The following PREX1 variants were observed in gnomAD, a reference collection of about 807,000 sequenced individuals.
PREX1 encodes phosphatidylinositol 3,4,5-trisphosphate-dependent Rac exchanger 1 protein.
A neutral mutation model predicts 198.3 loss-of-function variants in PREX1; 41 were observed. The observed-to-expected ratio is 0.21, with a 90% CI of 0.16 to 0.27. PREX1 has a LOEUF of 0.27. Ranked by LOEUF, PREX1 falls within the 10% of genes least tolerant of loss-of-function variation. The pLI is 1.00. For missense variants in PREX1, 1,620 were observed against 2,200.7 expected (o/e 0.74, Z 5.28); for synonymous variants, 843 against 887.2 (o/e 0.95, Z 0.89).
the PREX1 span, among the ~76,000 whole-genome samples, chr20:48,861,532 G>A: frequency 6.6e-6 from 1 of 152,180 alleles, no homozygotes; most frequent in African/African-American, 2.4e-5. Flanking sequence ...CCTGCCACAG[G>A]CACAAAACTT....
chr20:48,726,958 G>A (rs901247010), intron 4 of PREX1, among the ~76,000 whole-genome samples: 7 of 152,204 alleles, frequency 4.6e-5, no homozygotes, highest in Admixed American at 1.3e-4. Context: ...GTAGCAACAC[G>A]GGCGAACCCC....
At position 48,708,379 on chromosome 20, in the gene PREX1, C is replaced by T. The variant is rs920268436; in HGVS notation, c.664G>A (p.Ala222Thr). 4 of 1,614,074 alleles carry T rather than the reference C, an allele frequency of 2.5e-6. No individual in the cohort carries two copies. Among genetic ancestry groups the T allele is most frequent in the African/African-American group, 1.3e-5 (1 of 74,980 alleles). ...ATGGCCTGCAGGGCACTCTGGACCGCGGGGTGGTCTGGGTGCTTGCCGGGA... is the reference window on the plus strand; with the variant it reads ...ATGGCCTGCAGGGCACTCTGGACCGTGGGGTGGTCTGGGTGCTTGCCGGGA... Reference protein sequence around the residue: ...RTPGKHPDHPAVQSALQAMKT... With the variant: ...RTPGKHPDHPTVQSALQAMKT... Residue 222 changes from alanine (A) to threonine (T), a missense_variant, in exon 6 of 40, where the codon GCG (alanine) becomes ACG (threonine). Transcript: ENST00000371941.
chr20:48,759,754 C>G (rs1436122154), intron 1 of PREX1, among the ~76,000 whole-genome samples: 2 of 152,022 alleles, frequency 1.3e-5, no homozygotes, highest in African/African-American at 4.8e-5. Context: ...AGCTAACACA[C>G]ATAACAAGCA....
intron 38 of PREX1, 78 bp from the exon 39 acceptor site, chr20:48,627,693 G>T: frequency 6.7e-7 from 1 of 1,494,532 alleles, no homozygotes; most frequent in East Asian, 2.3e-5. Flanking sequence ...GTGGGGGTGG[G>T]GCCCAGAAGC....
At chr20:48,780,979 C>T (rs1415280277) in intron 1 of PREX1, among the ~76,000 whole-genome samples, 1 of 152,166 alleles carries the variant, frequency 6.6e-6, no homozygotes, top group Admixed American at 6.5e-5. Context: ...CACATCGCTC[C>T]TGGGGTATCC....
At chr20:48,635,974 G>A (rs1283857859) in intron 32 of PREX1, among the ~76,000 whole-genome samples, 6 of 152,184 alleles carry the variant, frequency 3.9e-5, no homozygotes, top group African/African-American at 1.4e-4. Context: ...GCCAGCAGAG[G>A]GCGCTCCAAG....
chr20:48,760,591 T>C (rs1010849527), intron 1 of PREX1, among the ~76,000 whole-genome samples: 2 of 152,050 alleles, frequency 1.3e-5, no homozygotes, highest in Non-Finnish European at 2.9e-5. Flanking sequence ...GGTGAACACT[T>C]TGTAACTACA....
At chr20:48,810,072 G>A (rs185484565) in intron 1 of PREX1, among the ~76,000 whole-genome samples, 69 of 152,292 alleles carry the variant, frequency 4.5e-4, no homozygotes, top group Admixed American at 6.5e-4. Context: ...AATGCTGTGC[G>A]CGGCTCCTTA....
chr20:48,726,164 G>C, intron 5 of PREX1, 126 bp downstream of exon 5: 1 of 735,114 alleles, frequency 1.4e-6, no homozygotes, highest in Non-Finnish European at 2.3e-6. Context: ...GCAGGGTCCT[G>C]GTTTAAATCC....
chr20:48,711,634 T>C (rs765543644), intron 5 of PREX1, among the ~76,000 whole-genome samples: 2 of 152,180 alleles, frequency 1.3e-5, no homozygotes, highest in Non-Finnish European at 2.9e-5. Context: ...ATTTCACTGA[T>C]ATATTGTCAG....
intron 1 of PREX1, among the ~76,000 whole-genome samples, chr20:48,756,993 C>T (rs192074955): frequency 5.5e-4 from 84 of 152,214 alleles, no homozygotes; most frequent in East Asian, 1.5e-3. Flanking sequence ...CTCACTATCA[C>T]GAGAACGGCA....
Position 48,801,721 on chromosome 20 carries a change from C to T in PREX1, c.219+25921G>A, listed in dbSNP as rs2090387702. 1.3e-5 allele frequency among the ~76,000 whole-genome samples: 2 copies of T among 152,308 alleles called. 1 individual carries two copies. ...TATGGTTTAGCTATGGCTTATTTGTCCCCACCAAAACTCATGTTGAAATCT... is the reference window on the plus strand; with the variant it reads ...TATGGTTTAGCTATGGCTTATTTGTTCCCACCAAAACTCATGTTGAAATCT... On this transcript the variant is annotated intron_variant, in intron 1 of 39. Transcript: ENST00000371941.
intron 3 of PREX1, among the ~76,000 whole-genome samples, chr20:48,735,777 C>A (rs1311573244): frequency 6.6e-6 from 1 of 152,174 alleles, no homozygotes; most frequent in Non-Finnish European, 1.5e-5. Flanking sequence ...CAGGGTCTCG[C>A]CGCTAGTGCA....
At chr20:48,673,694 C>T (rs1465254745) in intron 14 of PREX1, among the ~76,000 whole-genome samples, 2 of 142,412 alleles carry the variant, frequency 1.4e-5, no homozygotes, top group African/African-American at 4.9e-5. Flanking sequence ...TGCTAACCCC[C>T]CCACCTCTGT....
chr20:48,663,830 C>T, intron 15 of PREX1, among the ~76,000 whole-genome samples: 1 of 152,214 alleles, frequency 6.6e-6, no homozygotes, highest in Middle Eastern at 3.2e-3. Context: ...TCATGACCAC[C>T]TCCTCGCTGG....
chr20:48,849,358 G>A, the PREX1 span: 3 of 152,060 alleles, frequency 2.0e-5, no homozygotes, highest in African/African-American at 7.2e-5. Flanking sequence ...TGTCTTCTAT[G>A]GATATATATA....
At chr20:48,801,559 T>C (rs2090386853) in intron 1 of PREX1, among the ~76,000 whole-genome samples, 1 of 152,140 alleles carries the variant, frequency 6.6e-6, no homozygotes, top group Non-Finnish European at 1.5e-5. Context: ...AGGCTTTCTG[T>C]TGAGAAACCA....
chr20:48,738,710 A>G (rs565482280), intron 3 of PREX1, among the ~76,000 whole-genome samples: 1 of 152,090 alleles, frequency 6.6e-6, no homozygotes, highest in Non-Finnish European at 1.5e-5. Flanking sequence ...TGCTGGCTGG[A>G]AACAGCCAGG....
At chr20:48,729,265 C>G (rs1214288477) in intron 4 of PREX1, among the ~76,000 whole-genome samples, 1 of 152,064 alleles carries the variant, frequency 6.6e-6, no homozygotes, top group Admixed American at 6.5e-5. Context: ...TTAGTAGAGA[C>G]AGGGTTTTGC....
Sources: allele counts gnomAD v4.1 joint callset (sites outside exome capture counted in the v4.1 genomes callset), GRCh38; gene constraint gnomAD v4.1.1; transcripts MANE v1.5; gene names NCBI Gene and HGNC (gene_info 2026-07-23, HGNC 2026-07-21).